Variants in KCNN2 observed in about 807,000 individuals in gnomAD.
The protein encoded by KCNN2 is potassium calcium-activated channel subfamily N member 2.
Under a neutral mutation model 55.5 loss-of-function variants are expected in KCNN2, and 24 were observed. The ratio of observed to expected loss-of-function variants is 0.43; its 90% confidence interval spans 0.31 to 0.61. The LOEUF is 0.61. KCNN2 is among the 20% of genes least tolerant of loss of function. The pLI, the probability that KCNN2 is intolerant of heterozygous loss-of-function variation, is 0.08. For missense variants in KCNN2, 754 were observed against 853.6 expected (o/e 0.88, Z 1.45); for synonymous variants, 431 against 336.1 (o/e 1.28, Z -3.09).
intron 1 of KCNN2, among the ~76,000 whole-genome samples, chr5:114,188,559 G>C (rs908326698): frequency 6.6e-6 from 1 of 152,052 alleles, no homozygotes; most frequent in African/African-American, 2.4e-5. Context: ...TAAACAAAGT[G>C]TACAGAACAT....
intron 1 of KCNN2, among the ~76,000 whole-genome samples, chr5:114,074,556 T>G (rs1273669721): frequency 1.3e-5 from 2 of 152,168 alleles, no homozygotes; most frequent in African/African-American, 2.4e-5. Flanking sequence ...GACCAGCTTT[T>G]GTGGATTTTT....
intron 2 of KCNN2, among the ~76,000 whole-genome samples, chr5:114,246,283 G>A (rs1190603174): frequency 6.6e-6 from 1 of 152,114 alleles, no homozygotes; most frequent in African/African-American, 2.4e-5. Flanking sequence ...TAACTATAAT[G>A]TGGGATGATT....
At chr5:114,225,062 ACTTT>A (rs1319411350) in intron 2 of KCNN2, among the ~76,000 whole-genome samples, 1 of 152,216 alleles carries the variant, frequency 6.6e-6, no homozygotes, top group Non-Finnish European at 1.5e-5. Context: ...CAAATAGAAG[ACTTT>A]ATACCTGAAA....
At chr5:114,472,384 G>T (rs1424065773) in intron 4 of KCNN2, among the ~76,000 whole-genome samples, 2 of 152,148 alleles carry the variant, frequency 1.3e-5, no homozygotes, top group African/African-American at 2.4e-5. Flanking sequence ...AACACTGTTG[G>T]TTTTTTCAAA....
chr5:114,112,592 C>T (rs991697292), intron 1 of KCNN2, among the ~76,000 whole-genome samples: 1 of 151,892 alleles, frequency 6.6e-6, no homozygotes, highest in Non-Finnish European at 1.5e-5. Flanking sequence ...GCCTGAGATA[C>T]TTTTTGGGCG....
At chr5:114,194,339 T>C (rs945443957) in intron 1 of KCNN2, among the ~76,000 whole-genome samples, 1 of 152,108 alleles carries the variant, frequency 6.6e-6, no homozygotes, top group African/African-American at 2.4e-5. Context: ...GTTTCCAATT[T>C]CTCCACATTT....
chr5:114,400,995 T>A (rs1420117773), intron 2 of KCNN2, among the ~76,000 whole-genome samples: 1 of 151,952 alleles, frequency 6.6e-6, no homozygotes, highest in Non-Finnish European at 1.5e-5. Flanking sequence ...CTTTCTTTTT[T>A]TTTTTTCCTA....
At chr5:114,256,607 C>A (rs977687319) in intron 2 of KCNN2, among the ~76,000 whole-genome samples, 1 of 152,014 alleles carries the variant, frequency 6.6e-6, no homozygotes, top group Admixed American at 6.6e-5. Flanking sequence ...GTTTTCATTG[C>A]ATTTCTGTAA....
intron 1 of KCNN2, among the ~76,000 whole-genome samples, chr5:114,126,752 C>A (rs1751940310): frequency 6.6e-6 from 1 of 152,138 alleles, no homozygotes; most frequent in Non-Finnish European, 1.5e-5. Context: ...AGTCCACAGT[C>A]CAAAGTCTCA....
chr5:114,326,392 T>A (rs941156167), intron 2 of KCNN2, among the ~76,000 whole-genome samples: 1 of 152,132 alleles, frequency 6.6e-6, no homozygotes, highest in Non-Finnish European at 1.5e-5. Context: ...TATTGGGTGC[T>A]CAGGTGTGAG....
At chr5:114,313,838 A>G (rs1232713099) in intron 2 of KCNN2, among the ~76,000 whole-genome samples, 5 of 152,160 alleles carry the variant, frequency 3.3e-5, no homozygotes, top group African/African-American at 1.2e-4. Flanking sequence ...GGAAAAGGTC[A>G]GTGTAATTCA....
rs1241276000 is a variant in KCNN2 at position 114,466,585 on chromosome 5, TTTCATCTTATACTGGAA to T, written c.1779+3398_1779+3414del. Reference sequence around the variant, plus strand: ...AAATAGCCTTGTGGGTAAGGGTATCTTTCATCTTATACTGGAATTAAGGTTGCTCATTTGTTCTTTTT... The same window carrying T: ...AAATAGCCTTGTGGGTAAGGGTATCTTTAAGGTTGCTCATTTGTTCTTTTT... On this transcript the variant is annotated intron_variant, in intron 4 of 7. Coordinates refer to ENST00000673685, the MANE Select transcript of KCNN2 (RefSeq NM_021614.4). 2.6e-5 allele frequency among the ~76,000 whole-genome samples: 4 copies of T among 152,160 alleles called. 1 individual carries two copies. Among genetic ancestry groups the T allele is most frequent in the Admixed American group, 2.0e-4 (3 of 15,274 alleles).
intron 1 of KCNN2, among the ~76,000 whole-genome samples, chr5:114,194,924 C>T (rs1046646192): frequency 6.7e-6 from 1 of 150,204 alleles, no homozygotes; most frequent in Admixed American, 6.6e-5. Flanking sequence ...TCTGATTCTC[C>T]CAGTGCCATC....
intron 1 of KCNN2, among the ~76,000 whole-genome samples, chr5:114,158,218 A>T (rs1402820544): frequency 6.6e-6 from 1 of 152,224 alleles, no homozygotes; most frequent in Non-Finnish European, 1.5e-5. Context: ...AGCTTTCTAC[A>T]TATGACTAGC....
intron 2 of KCNN2, among the ~76,000 whole-genome samples, chr5:114,305,660 C>G (rs545186724): frequency 1.3e-5 from 2 of 152,252 alleles, no homozygotes; most frequent in East Asian, 3.9e-4. Flanking sequence ...CAAGGCACTG[C>G]TGGATGTCCA....
At chr5:114,073,208 C>G (rs1272919652) in intron 1 of KCNN2, among the ~76,000 whole-genome samples, 1 of 152,146 alleles carries the variant, frequency 6.6e-6, no homozygotes, top group Non-Finnish European at 1.5e-5. Context: ...TCAGATGTGC[C>G]CTAGAGATTT....
intron 2 of KCNN2, among the ~76,000 whole-genome samples, chr5:114,336,055 T>C (rs1756917530): frequency 6.6e-6 from 1 of 152,238 alleles, no homozygotes; most frequent in African/African-American, 2.4e-5. Context: ...GAAGACATTC[T>C]AAAGCAACTA....
intron 3 of KCNN2, among the ~76,000 whole-genome samples, chr5:114,419,483 A>G (rs572669174): frequency 9.2e-5 from 14 of 152,308 alleles, no homozygotes; most frequent in African/African-American, 3.4e-4. Context: ...ATGGATTTCT[A>G]TTTGTTATAG....
intron 1 of KCNN2, among the ~76,000 whole-genome samples, chr5:114,065,796 A>G (rs1423297181): frequency 6.6e-6 from 1 of 151,184 alleles, no homozygotes; most frequent in Non-Finnish European, 1.5e-5. Context: ...AAAAAGAAGC[A>G]AGATACCAGT....
Sources: gnomAD v4.1 joint callset for allele counts (sites outside exome capture counted in the v4.1 genomes callset) on GRCh38, gnomAD v4.1.1 for gene constraint, MANE v1.5 for transcripts, NCBI Gene and HGNC (gene_info 2026-07-23, HGNC 2026-07-21) for gene names.